The following ADTRP variants were observed in gnomAD, a reference collection of about 807,000 sequenced individuals.
The protein encoded by ADTRP is androgen-dependent TFPI-regulating protein.
A neutral mutation model predicts 27.0 loss-of-function variants in ADTRP; 20 were observed. The ratio of observed to expected loss-of-function variants is 0.74; its 90% confidence interval spans 0.52 to 1.08. The LOEUF (loss-of-function observed/expected upper bound fraction) is 1.08. Ranked by LOEUF, ADTRP falls within the 50% of genes least tolerant of loss-of-function variation. ADTRP has a pLI of 0.00. For synonymous variants in ADTRP, 101 were observed against 105.2 expected (o/e 0.96, Z 0.25); for missense variants, 251 against 275.0 (o/e 0.91, Z 0.62).
At chr6:11,758,171 CA>C (rs1041461932) in intron 3 of ADTRP, among the ~76,000 whole-genome samples, 4 of 152,174 alleles carry the variant, frequency 2.6e-5, no homozygotes, top group African/African-American at 9.7e-5. Flanking sequence ...CCTTATTCTG[CA>C]CTCTTTGACA....
chr6:11,768,146 T>C (rs1581367736), intron 2 of ADTRP, 103 bp downstream of exon 2: 1 of 1,394,126 alleles, frequency 7.2e-7, no homozygotes, highest in Non-Finnish European at 9.9e-7. Context: ...ATGCAGTGGG[T>C]GTGGTTTCCA....
chr6:11,722,921 G>A (rs1335433147), intron 5 of ADTRP, among the ~76,000 whole-genome samples: 1 of 152,200 alleles, frequency 6.6e-6, no homozygotes, highest in East Asian at 1.9e-4. Context: ...GAGGAGCTGA[G>A]AGGGCTATCT....
intron 3 of ADTRP, among the ~76,000 whole-genome samples, chr6:11,758,634 G>T (rs1763301385): frequency 6.9e-6 from 1 of 145,842 alleles, no homozygotes; most frequent in African/African-American, 2.5e-5. Context: ...CGAGTTAATG[G>T]GTGCAGCACA....
chr6:11,750,327 C>G (rs986827913), intron 3 of ADTRP, among the ~76,000 whole-genome samples: 1 of 152,224 alleles, frequency 6.6e-6, no homozygotes. Context: ...TTTCACCTCT[C>G]CCCTCCTGAG....
chr6:11,726,136 A>T (rs1355189517), intron 4 of ADTRP, among the ~76,000 whole-genome samples: 1 of 152,240 alleles, frequency 6.6e-6, no homozygotes, highest in East Asian at 1.9e-4. Context: ...AACCAGTCGT[A>T]AAAGGACAAA....
chr6:11,719,296 C>A (rs1761932909), intron 5 of ADTRP, among the ~76,000 whole-genome samples: 1 of 152,218 alleles, frequency 6.6e-6, no homozygotes, highest in African/African-American at 2.4e-5. Context: ...AGAATCCACA[C>A]TTTAACAAGA....
rs150418860 is a variant in ADTRP at position 11,724,350 on chromosome 6, G to A, written c.507-850C>T. Among the ~76,000 whole-genome samples the A allele has an allele frequency of 4.6e-5, 7 of 152,282 alleles. No homozygotes were observed. In the East Asian group the frequency reaches 1.2e-3, roughly 25 times the overall value. On this transcript the variant is annotated intron_variant, in intron 4 of 5. Transcript: ENST00000414691. ...AACACAATATGCCTAGGATTTAACT[G>A]TCGGCCCTGATTTTCACTCATGCAT... is the stretch of plus-strand genomic sequence containing the variant.
Position 11,773,851 on chromosome 6 carries a change from C to A in ADTRP, c.153+4756G>T, listed in dbSNP as rs545714002. 2.2e-4 allele frequency among the ~76,000 whole-genome samples: 34 copies of A among 152,338 alleles called. No individual in the cohort carries two copies. The South Asian group carries it at 6.2e-3, about 28-fold the overall frequency. Reference sequence around the variant, plus strand: ...TCTATACTGCGTCCAAAGAACCTACCAAAATGCTGTCATAGTTACTTGCTC... The same window carrying A: ...TCTATACTGCGTCCAAAGAACCTACAAAAATGCTGTCATAGTTACTTGCTC... On this transcript the variant is annotated intron_variant, in intron 1 of 5. Coordinates refer to ENST00000414691, the MANE Select transcript of ADTRP (RefSeq NM_032744.4).
intron 1 of ADTRP, chr6:11,770,109 A>T (rs1302256826): frequency 1.3e-6 from 2 of 1,506,306 alleles, no homozygotes; most frequent in Non-Finnish European, 9.0e-7. Flanking sequence ...AATAAAAAAA[A>T]TTATCAGGTT....
intron 3 of ADTRP, among the ~76,000 whole-genome samples, chr6:11,751,405 C>T (rs1007609314): frequency 1.3e-5 from 2 of 152,130 alleles, no homozygotes; most frequent in African/African-American, 2.4e-5. Context: ...CTTCTACTGA[C>T]ATGGAGGTCA....
intron 3 of ADTRP, among the ~76,000 whole-genome samples, chr6:11,751,570 G>A (rs1056250273): frequency 1.3e-5 from 2 of 151,904 alleles, no homozygotes; most frequent in Non-Finnish European, 2.9e-5. Context: ...ACCCCCTCTC[G>A]GTTTACACTC....
intron 3 of ADTRP, among the ~76,000 whole-genome samples, chr6:11,751,166 T>A (rs1763035353): frequency 6.6e-6 from 1 of 152,238 alleles, no homozygotes. Flanking sequence ...CATTATTAAC[T>A]GGAATTAGTG....
chr6:11,726,731 T>C (rs6941720), intron 4 of ADTRP, among the ~76,000 whole-genome samples: 7,808 of 152,276 alleles, frequency 0.051, 669 homozygotes, highest in African/African-American at 0.18. Context: ...ATGGTGGTGA[T>C]GGATGCACAA....
At chr6:11,729,129 C>T (rs1762306098) in intron 4 of ADTRP, among the ~76,000 whole-genome samples, 1 of 152,174 alleles carries the variant, frequency 6.6e-6, no homozygotes, top group African/African-American at 2.4e-5. Context: ...ATACCGACGT[C>T]TGTGGGTGGC....
At chr6:11,722,599 T>C (rs1762053204) in intron 5 of ADTRP, among the ~76,000 whole-genome samples, 1 of 152,156 alleles carries the variant, frequency 6.6e-6, no homozygotes, top group African/African-American at 2.4e-5. Flanking sequence ...AGCCTGACTT[T>C]CTGGTAGTTA....
intron 3 of ADTRP, among the ~76,000 whole-genome samples, chr6:11,750,330 C>T (rs1307644862): frequency 6.6e-6 from 1 of 152,236 alleles, no homozygotes; most frequent in African/African-American, 2.4e-5. Context: ...CACCTCTCCC[C>T]TCCTGAGGAG....
intron 5 of ADTRP, among the ~76,000 whole-genome samples, chr6:11,718,406 G>A (rs1385495721): frequency 6.6e-6 from 1 of 152,206 alleles, no homozygotes. Flanking sequence ...AGGAGCTTGT[G>A]TGCTGGTGTC....
rs562730461 is a variant in ADTRP, at chr6:11,760,820, C to G, written c.390+5454G>C. 8.5e-5 allele frequency among the ~76,000 whole-genome samples: 13 copies of G among 152,306 alleles called. 1 individual carries two copies. Among genetic ancestry groups the G allele is most frequent in the African/African-American group, 2.6e-4 (11 of 41,576 alleles). ...CCTCCCAAGCCTCTGTATCCATACT[C>G]CTTCCCTGTGGCTTAGGCTAAAAAT... On this transcript the variant is annotated intron_variant, in intron 3 of 5. Transcript: ENST00000414691.
intron 5 of ADTRP, among the ~76,000 whole-genome samples, chr6:11,720,475 CTTTT>C (rs1761981245): frequency 1.3e-5 from 2 of 148,800 alleles, no homozygotes; most frequent in Non-Finnish European, 1.5e-5. Flanking sequence ...GGGATATACC[CTTTT>C]CTTTTTTTTT....
Sources: gnomAD v4.1 joint callset for allele counts (sites outside exome capture counted in the v4.1 genomes callset) on GRCh38, gnomAD v4.1.1 for gene constraint, MANE v1.5 for transcripts, NCBI Gene and HGNC (gene_info 2026-07-23, HGNC 2026-07-21) for gene names.